The following PCSK6 variants were observed in gnomAD, a reference collection of about 807,000 sequenced individuals.
PCSK6 encodes proprotein convertase subtilisin/kexin type 6, also known as paired basic amino acid cleaving enzyme 4.
A neutral mutation model predicts 123.3 loss-of-function variants in PCSK6; 85 were observed. The ratio of observed to expected loss-of-function variants is 0.69; its 90% CI spans 0.58 to 0.83. The LOEUF is 0.83. PCSK6 is among the 40% of genes least tolerant of loss of function. The probability of loss-of-function intolerance (pLI) is 0.00; values close to 1 mark genes in which losing one functional copy is unlikely to be tolerated. For missense variants in PCSK6, 1,191 were observed against 1,282.3 expected, an observed-to-expected ratio of 0.93 and a Z score of 1.09; for synonymous variants, 508 against 516.0, an observed-to-expected ratio of 0.98 and a Z score of 0.21.
intron 1 of PCSK6, among the ~76,000 whole-genome samples, chr15:101,456,091 GC>G (rs2057171271): frequency 6.6e-6 from 1 of 152,148 alleles, no homozygotes; most frequent in Admixed American, 6.5e-5. Flanking sequence ...TGGAATATTT[GC>G]CAATAAATGA....
chr15:101,452,734 G>A (rs949816855), intron 1 of PCSK6, among the ~76,000 whole-genome samples: 1 of 152,190 alleles, frequency 6.6e-6, no homozygotes, highest in Admixed American at 6.5e-5. Flanking sequence ...GAAGACACAG[G>A]ACATGGCAGA....
chr15:101,313,252 G>A, intron 20 of PCSK6, 124 bp downstream of exon 20: 1 of 1,570,216 alleles, frequency 6.4e-7, no homozygotes. Context: ...ATGGGCTCCT[G>A]TCCACAGTGG....
chr15:101,331,499 G>C (rs2040369715), intron 15 of PCSK6, among the ~76,000 whole-genome samples, 152 bp downstream of exon 15: 1 of 152,206 alleles, frequency 6.6e-6, no homozygotes. Context: ...GAGTCAGGAG[G>C]CTGAGCTGTG....
chr15:101,407,564 A>G (rs1278696036), intron 6 of PCSK6, among the ~76,000 whole-genome samples: 1 of 152,148 alleles, frequency 6.6e-6, no homozygotes, highest in East Asian at 1.9e-4. Context: ...CCCTTAACCT[A>G]ACCACCCAAG....
intron 1 of PCSK6, among the ~76,000 whole-genome samples, chr15:101,459,896 G>A (rs939129796): frequency 3.3e-5 from 5 of 152,014 alleles, no homozygotes; most frequent in East Asian, 1.9e-4. Context: ...TTTTTAAGTC[G>A]CAAACTTCTG....
intron 1 of PCSK6, among the ~76,000 whole-genome samples, chr15:101,462,706 GA>G (rs909603772): frequency 6.6e-6 from 1 of 152,048 alleles, no homozygotes; most frequent in African/African-American, 2.4e-5. Context: ...ATTCATATGA[GA>G]AAAAAATAAA....
At chr15:101,474,625 T>C (rs887045277) in intron 1 of PCSK6, among the ~76,000 whole-genome samples, 3 of 152,126 alleles carry the variant, frequency 2.0e-5, no homozygotes, top group African/African-American at 7.2e-5. Context: ...TGAGCTGATT[T>C]TTCTCCCTCC....
intron 5 of PCSK6, among the ~76,000 whole-genome samples, chr15:101,429,057 C>T (rs118108111): frequency 0.059 from 8,976 of 152,282 alleles, 424 homozygotes; most frequent in Non-Finnish European, 0.083. Context: ...GCATTGCCTG[C>T]GCACCCGTTT....
At chr15:101,340,815 T>C (rs1311226439) in intron 13 of PCSK6, among the ~76,000 whole-genome samples, 1 of 152,094 alleles carries the variant, frequency 6.6e-6, no homozygotes, top group Non-Finnish European at 1.5e-5. Flanking sequence ...GGTCCAATAT[T>C]TATTGTCTTT....
intron 1 of PCSK6, among the ~76,000 whole-genome samples, chr15:101,466,332 G>A (rs1010433181): frequency 1.3e-5 from 2 of 152,144 alleles, no homozygotes; most frequent in African/African-American, 4.8e-5. Flanking sequence ...TATGAGATGG[G>A]TGCAGAAAAA....
intron 12 of PCSK6, among the ~76,000 whole-genome samples, chr15:101,366,625 A>G (rs1429527484): frequency 6.6e-6 from 1 of 152,138 alleles, no homozygotes; most frequent in Admixed American, 6.5e-5. Context: ...AGATGTTTAC[A>G]AGCTCTCACC....
chr15:101,443,702 C>A, intron 1 of PCSK6, 42 bp from the exon 2 acceptor site: 1 of 1,431,616 alleles, frequency 7.0e-7, no homozygotes, highest in Non-Finnish European at 9.9e-7. Context: ...AATAGTCTCA[C>A]GAACAGCTTC....
chr15:101,368,628 AC>A (rs1409002479), intron 12 of PCSK6, among the ~76,000 whole-genome samples: 3 of 152,106 alleles, frequency 2.0e-5, no homozygotes, highest in African/African-American at 7.2e-5. Flanking sequence ...CTGGGCCTGC[AC>A]CCAGCTCTGG....
chr15:101,308,666 G>A (rs34465754), intron 20 of PCSK6: 2,954 of 152,080 alleles, frequency 0.019, 34 homozygotes, highest in Non-Finnish European at 0.032. Flanking sequence ...GAAAGGATGG[G>A]GTTAGAGGAC....
At chr15:101,388,508 C>T (rs1038703563) in intron 9 of PCSK6, among the ~76,000 whole-genome samples, 4 of 77,548 alleles carry the variant, frequency 5.2e-5, no homozygotes, top group Non-Finnish European at 1.1e-4. Flanking sequence ...ACAACACATA[C>T]GCAACTCAAG....
At chr15:101,384,479 A>G (rs1596267460) in intron 9 of PCSK6, 54 bp from the exon 10 acceptor site, 3 of 1,495,548 alleles carry the variant, frequency 2.0e-6, no homozygotes, top group East Asian at 4.6e-5. Context: ...CGGCAGCCAC[A>G]CAGGCCACTC....
At chr15:101,476,607 C>G (rs1448386544) in intron 1 of PCSK6, among the ~76,000 whole-genome samples, 1 of 150,066 alleles carries the variant, frequency 6.7e-6, no homozygotes, top group African/African-American at 2.5e-5. Context: ...TGTATATGCG[C>G]ACGTATCTGT....
chr15:101,433,857 T>C lies in PCSK6; in HGVS notation c.403-1757A>G, dbSNP rs1401160766. Among the ~76,000 whole-genome samples, 2 of 152,232 alleles carry C rather than the reference T, an allele frequency of 1.3e-5. 1 individual carries two copies. On this transcript the variant is annotated intron_variant, in intron 2 of 21. Coordinates refer to ENST00000611716, the MANE Select transcript of PCSK6 (RefSeq NM_002570.5). ...CTGGGGATGGCCTCCAAGACATCCT[T>C]GGTGTACAGGGCAAAATGCCGGAAG...
At chr15:101,471,660 T>A (rs2057607180) in intron 1 of PCSK6, among the ~76,000 whole-genome samples, 2 of 152,232 alleles carry the variant, frequency 1.3e-5, no homozygotes, top group South Asian at 4.1e-4. Context: ...TTAGATATGA[T>A]GAAACAAGCA....
Sources: gnomAD v4.1 joint callset for allele counts (sites outside exome capture counted in the v4.1 genomes callset) on GRCh38, gnomAD v4.1.1 for gene constraint, MANE v1.5 for transcripts, NCBI Gene and HGNC (gene_info 2026-07-23, HGNC 2026-07-21) for gene names.